DMD: variants seen among roughly 807,000 people sequenced by gnomAD.
The protein encoded by DMD is dystrophin.
DMD carries 63 observed loss-of-function variants against 330.1 expected under a neutral mutation model. The ratio of observed to expected loss-of-function variants is 0.19; its 90% CI spans 0.16 to 0.24. The LOEUF (loss-of-function observed/expected upper bound fraction) is 0.24. Among genes scored for constraint, DMD ranks in the 10% least tolerant of loss-of-function variants. DMD has a pLI of 1.00. For missense variants in DMD, 3,344 were observed against 2,684.1 expected, an observed-to-expected ratio of 1.25 and a Z score of -5.43; for synonymous variants, 1,223 against 959.8, an observed-to-expected ratio of 1.27 and a Z score of -5.07.
intron 4 of DMD, among the ~76,000 whole-genome samples, chrX:32,841,447 G>C (rs1226784725): frequency 8.9e-6 from 1 of 111,773 alleles, no homozygotes; most frequent in Non-Finnish European, 1.9e-5. Flanking sequence ...CCAGATACTA[G>C]GCTGTATTAT....
chrX:31,972,234 A>C (rs1215162151), intron 44 of DMD, among the ~76,000 whole-genome samples: 1 of 111,730 alleles, frequency 9.0e-6, no homozygotes, highest in African/African-American at 3.3e-5. Context: ...CTGTTCCTAA[A>C]TTATAGAAAA....
intron 46 of DMD, among the ~76,000 whole-genome samples, chrX:31,931,273 T>C (rs2094848823): frequency 9.1e-6 from 1 of 110,321 alleles, no homozygotes; most frequent in Non-Finnish European, 1.9e-5. Flanking sequence ...CCCTTTCACC[T>C]TCTGCTTGAC....
chrX:32,862,970 C>T (rs1186178735), intron 2 of DMD, among the ~76,000 whole-genome samples: 1 of 110,505 alleles, frequency 9.0e-6, no homozygotes, highest in Non-Finnish European at 1.9e-5. Flanking sequence ...ACCTCCTGAC[C>T]TCGTGATCCA....
intron 13 of DMD, among the ~76,000 whole-genome samples, chrX:32,591,656 T>A (rs2054922471): frequency 8.9e-6 from 1 of 112,193 alleles, no homozygotes; most frequent in Admixed American, 9.4e-5. Flanking sequence ...AAGGGAGGCG[T>A]GGCCAGGGCT....
At chrX:32,466,338 C>G (rs968720617) in intron 23 of DMD, among the ~76,000 whole-genome samples, 8 of 111,684 alleles carry the variant, frequency 7.2e-5, no homozygotes, top group African/African-American at 2.6e-4. Flanking sequence ...ATAGCAGAGA[C>G]AACCTATGTT....
At chrX:31,773,099 G>T (rs2090437461) in intron 51 of DMD, among the ~76,000 whole-genome samples, 1 of 111,997 alleles carries the variant, frequency 8.9e-6, no homozygotes, top group Admixed American at 9.5e-5. Context: ...CTCACTTCTT[G>T]TTTTTTCAAA....
Position 31,723,255 on chromosome X carries a change from T to C in DMD, c.7660+6376A>G, listed in dbSNP as rs191403483. Among the ~76,000 whole-genome samples the C allele has an allele frequency of 7.6e-3, 778 of 102,851 alleles. 3 individuals are homozygous for C. The highest frequency in any genetic ancestry group is 0.01 in the Non-Finnish European group (532 of 51,685). 89.3% of individuals were successfully genotyped at this position (102,851 alleles called of 115,157 possible). A position where few individuals can be genotyped will look rare whatever the true frequency, so the allele number is the denominator to read the frequency against. On this transcript the variant is annotated intron_variant, in intron 52 of 78. Transcript: ENST00000357033. ...CAGACATTCCAGGTAACTTTTGAAT[T>C]CTTGTCCAAAAGTAACATCACTCCT... is the stretch of plus-strand genomic sequence containing the variant.
At chrX:32,310,367 G>A (rs946787665) in intron 41 of DMD, 91 bp from the exon 42 acceptor site, 6 of 731,465 alleles carry the variant, frequency 8.2e-6, no homozygotes, top group Non-Finnish European at 1.2e-5. Context: ...TTCTACAGCT[G>A]ACAATTGAAT....
chrX:32,720,087 C>A (rs2066129271), intron 7 of DMD, among the ~76,000 whole-genome samples: 1 of 110,893 alleles, frequency 9.0e-6, no homozygotes, highest in African/African-American at 3.3e-5. Context: ...ACATTACTAG[C>A]ATTTCTTTGA....
chrX:32,532,905 A>G (rs970606754), intron 17 of DMD, among the ~76,000 whole-genome samples: 2 of 112,255 alleles, frequency 1.8e-5, no homozygotes, highest in Admixed American at 9.4e-5. Context: ...GAATCCCCAA[A>G]GTATGTTCTA....
intron 74 of DMD, among the ~76,000 whole-genome samples, chrX:31,163,680 G>C (rs905047399): frequency 2.7e-5 from 3 of 110,880 alleles, no homozygotes; most frequent in African/African-American, 6.6e-5. Flanking sequence ...TGTCTTCAGA[G>C]GCAGTCCTTC....
intron 2 of DMD, among the ~76,000 whole-genome samples, chrX:32,959,370 C>T (rs901130235): frequency 7.2e-5 from 8 of 111,269 alleles, no homozygotes; most frequent in South Asian, 3.8e-4. Flanking sequence ...CATCCAATTC[C>T]GGTTTTGTTG....
chrX:32,080,101 T>G, intron 44 of DMD, among the ~76,000 whole-genome samples: 1 of 112,655 alleles, frequency 8.9e-6, no homozygotes, highest in Non-Finnish European at 1.9e-5. Flanking sequence ...TATTATTAAC[T>G]GGCCACTATT....
chrX:32,641,357 T>A (rs900182506), intron 11 of DMD: 1 of 117,005 alleles, frequency 8.5e-6, no homozygotes, highest in African/African-American at 3.4e-5. Flanking sequence ...TTTTTGATAA[T>A]GTATTCCATT....
At chrX:33,294,967 AAAC>A (rs772824888) in intron 1 of DMD, among the ~76,000 whole-genome samples, 1 of 111,231 alleles carries the variant, frequency 9.0e-6, no homozygotes, top group East Asian at 2.8e-4. Flanking sequence ...GGACATATGA[AAAC>A]AACCAGAAAA....
intron 1 of DMD, among the ~76,000 whole-genome samples, chrX:33,220,747 C>A (rs1203982024): frequency 2.7e-5 from 3 of 111,552 alleles, no homozygotes; most frequent in Non-Finnish European, 5.7e-5. Context: ...TTCTTCTGGG[C>A]TTTGTTTAAA....
chrX:33,165,854 A>G (rs2049025442), intron 1 of DMD, among the ~76,000 whole-genome samples: 1 of 111,924 alleles, frequency 8.9e-6, no homozygotes, highest in South Asian at 3.7e-4. Flanking sequence ...GGCATCAAGT[A>G]AGAAGAGGAA....
intron 60 of DMD, among the ~76,000 whole-genome samples, chrX:31,388,218 C>A (rs867167237): frequency 9.2e-6 from 1 of 108,109 alleles, no homozygotes; most frequent in African/African-American, 3.4e-5. Flanking sequence ...TTAGCCAGGA[C>A]GGTCTCGATC....
intron 55 of DMD, among the ~76,000 whole-genome samples, chrX:31,553,624 C>CA (rs1324068998): frequency 8.9e-6 from 1 of 112,204 alleles, no homozygotes; most frequent in African/African-American, 3.2e-5. Context: ...TCTATATAAG[C>CA]ACTTCAGTGT....
Sources: gnomAD v4.1 joint callset for allele counts (sites outside exome capture counted in the v4.1 genomes callset) on GRCh38, gnomAD v4.1.1 for gene constraint, MANE v1.5 for transcripts, NCBI Gene and HGNC (gene_info 2026-07-23, HGNC 2026-07-21) for gene names.